Variants in NEO1 observed in about 807,000 individuals in gnomAD.
The protein encoded by NEO1 is neogenin.
A neutral mutation model predicts 159.7 loss-of-function variants in NEO1; 63 were observed. The observed-to-expected ratio is 0.39, with a 90% CI of 0.32 to 0.49. The LOEUF (loss-of-function observed/expected upper bound fraction) is 0.49, where lower values mean the gene tolerates loss of function less well. NEO1 is among the 20% of genes least tolerant of loss of function. NEO1 has a pLI of 0.85. For synonymous variants in NEO1, 633 were observed against 662.0 expected (o/e 0.96, Z 0.67); for missense variants, 1,615 against 1,831.0 (o/e 0.88, Z 2.15).
chr15:73,096,744 C>A (rs1164029810), intron 1 of NEO1, among the ~76,000 whole-genome samples: 13 of 152,098 alleles, frequency 8.5e-5, no homozygotes, highest in Non-Finnish European at 1.9e-4. Flanking sequence ...CATTAGGCAT[C>A]CACCTTAAAG....
At chr15:73,089,464 A>G (rs1451984201) in intron 1 of NEO1, among the ~76,000 whole-genome samples, 1 of 152,152 alleles carries the variant, frequency 6.6e-6, no homozygotes, top group Non-Finnish European at 1.5e-5. Flanking sequence ...CTGGGCATCT[A>G]CCTCACCATG....
chr15:73,300,594 G>T (rs2042575074), intron 27 of NEO1, among the ~76,000 whole-genome samples: 1 of 152,200 alleles, frequency 6.6e-6, no homozygotes, highest in Admixed American at 6.5e-5. Flanking sequence ...AGCCGGGTGT[G>T]GTAGCAGACA....
chr15:73,122,304 C>G (rs983641742), intron 2 of NEO1, among the ~76,000 whole-genome samples: 1 of 151,544 alleles, frequency 6.6e-6, no homozygotes, highest in African/African-American at 2.4e-5. Context: ...ATGTTTATAC[C>G]TTGCTTCTCT....
At chr15:73,179,633 A>G (rs1160702510) in intron 7 of NEO1, among the ~76,000 whole-genome samples, 1 of 152,218 alleles carries the variant, frequency 6.6e-6, no homozygotes, top group African/African-American at 2.4e-5. Flanking sequence ...GCCAGCTGGC[A>G]AAGGAAAAGT....
chr15:73,274,135 T>A, intron 20 of NEO1, 130 bp downstream of exon 20: 1 of 890,392 alleles, frequency 1.1e-6, no homozygotes. Context: ...AGCCATGATG[T>A]GAAGATTTAT....
intron 1 of NEO1, among the ~76,000 whole-genome samples, chr15:73,073,413 T>C (rs905762350): frequency 2.0e-5 from 3 of 151,968 alleles, no homozygotes; most frequent in Non-Finnish European, 2.9e-5. Flanking sequence ...TGACTGAATG[T>C]AGTGGTTGAG....
At chr15:73,072,677 A>G (rs2068591815) in intron 1 of NEO1, among the ~76,000 whole-genome samples, 1 of 152,152 alleles carries the variant, frequency 6.6e-6, no homozygotes, top group Non-Finnish European at 1.5e-5. Context: ...CCATCATAAT[A>G]CATGAAGAAA....
rs1015939944 is a variant in NEO1, at chr15:73,225,351, G to A, written c.1292-10996G>A. ...GTATAGAGAGGAACCAGAGGTGCGC[G>A]GGGTCCTAGAACTTCCAAGATTATA... On this transcript the variant is annotated intron_variant, in intron 7 of 28. Coordinates refer to ENST00000261908, the MANE Select transcript of NEO1 (RefSeq NM_002499.4). Among the ~76,000 whole-genome samples, 122 of 152,176 alleles carry A rather than the reference G, an allele frequency of 8.0e-4. 1 individual carries two copies. The highest frequency in any genetic ancestry group is 2.9e-3 in the African/African-American group (119 of 41,508).
At chr15:73,181,584 A>T (rs893914816) in intron 7 of NEO1, among the ~76,000 whole-genome samples, 1 of 152,014 alleles carries the variant, frequency 6.6e-6, no homozygotes, top group African/African-American at 2.4e-5. Flanking sequence ...GCAAGAGGGG[A>T]GCAGGCATCT....
At chr15:73,242,908 G>A (rs574920189) in intron 8 of NEO1, among the ~76,000 whole-genome samples, 4 of 152,168 alleles carry the variant, frequency 2.6e-5, no homozygotes, top group South Asian at 4.1e-4. Context: ...CCGCTTATAC[G>A]TGGACCTACA....
rs1260178135 is a variant in NEO1 at position 73,135,481 on chromosome 15, A to G, written c.879-410A>G. On this transcript the variant is annotated intron_variant, in intron 4 of 28. Coordinates refer to ENST00000261908, the MANE Select transcript of NEO1 (RefSeq NM_002499.4). ...GCCCTCTTTATGTTTTCTTTCTGTT[A>G]TTAATCTCAGTGTGGCATAGCTGTG... 3.9e-5 allele frequency among the ~76,000 whole-genome samples: 6 copies of G among 152,116 alleles called. No individual in the cohort carries two copies. In the East Asian group the frequency reaches 9.6e-4, roughly 24 times the overall value.
At chr15:73,302,479 C>A in intron 28 of NEO1, 134 bp from the exon 29 acceptor site, 1 of 707,416 alleles carries the variant, frequency 1.4e-6, no homozygotes, top group Admixed American at 2.4e-5. Context: ...TCTTCTGAGC[C>A]ACCCTGCGTG....
chr15:73,054,015 C>T (rs1386688253), intron 1 of NEO1, among the ~76,000 whole-genome samples: 1 of 152,156 alleles, frequency 6.6e-6, no homozygotes, highest in Non-Finnish European at 1.5e-5. Context: ...AAGTACCACT[C>T]GGTATTCTCT....
chr15:73,293,454 C>A lies in NEO1; in HGVS notation c.3807C>A (p.Ser1269Arg), dbSNP rs1159790884. 5.0e-6 allele frequency: 8 copies of A among 1,614,106 alleles called. No individual in the cohort carries two copies. The highest frequency in any genetic ancestry group is 5.9e-6 in the Non-Finnish European group (7 of 1,180,044). Residue 1269 changes from serine to arginine, a missense_variant, in exon 26 of 29, where the codon AGC (serine) becomes AGA (arginine). Ser to Arg is a moderately radical substitution (Grantham distance 110, BLOSUM62 -1). Around this residue, in one of 3 missense-constraint regions of NEO1, gnomAD observed 471 missense variants for 498.9 expected, o/e 0.94. Transcript: ENST00000261908. ...CTCACCATCATTTCCACTCCAGCAG[C>A]CTCGCTTCTCCAGCTCGCAGTCATC... ...DNPHHHFHSS[S>R]LASPARSHLY...
intron 24 of NEO1, 102 bp from the exon 25 acceptor site, chr15:73,289,044 T>G: frequency 1.2e-6 from 1 of 815,202 alleles, no homozygotes; most frequent in Non-Finnish European, 2.1e-6. Context: ...CCCATTATGC[T>G]GTTTGTGAAT....
At chr15:73,249,303 G>A (rs779756354) in intron 10 of NEO1, 95 bp downstream of exon 10, 15 of 1,331,732 alleles carry the variant, frequency 1.1e-5, no homozygotes, top group Non-Finnish European at 1.4e-5. Context: ...GAAATGTGAG[G>A]GGGAAAAAGA....
In NEO1 at chr15:73,054,843, G is replaced by A. The variant is rs141225725; in HGVS notation, c.130+2038G>A. On this transcript the variant is annotated intron_variant, in intron 1 of 28. Transcript: ENST00000261908. Reference sequence around the variant, plus strand: ...TGGAGAACTGAGTAAGCAGCAACTGGAACAAGCTGTCCGCAAATCAGATGT... The same window carrying A: ...TGGAGAACTGAGTAAGCAGCAACTGAAACAAGCTGTCCGCAAATCAGATGT... Among the ~76,000 whole-genome samples, 6 of 152,324 alleles carry A rather than the reference G, an allele frequency of 3.9e-5. No individual in the cohort carries two copies. The East Asian group carries it at 1.2e-3, about 29-fold the overall frequency.
At chr15:73,155,510 T>C (rs2033711316) in intron 5 of NEO1, among the ~76,000 whole-genome samples, 1 of 152,220 alleles carries the variant, frequency 6.6e-6, no homozygotes, top group Non-Finnish European at 1.5e-5. Flanking sequence ...TCTAACTCTC[T>C]TGCTAGACTT....
At chr15:73,127,092 G>A (rs1445944713) in intron 4 of NEO1, among the ~76,000 whole-genome samples, 1 of 152,020 alleles carries the variant, frequency 6.6e-6, no homozygotes, top group Non-Finnish European at 1.5e-5. Flanking sequence ...TTAGCTGGGC[G>A]TTGTGGCATG....
Sources: gnomAD v4.1 joint callset for allele counts (sites outside exome capture counted in the v4.1 genomes callset) on GRCh38, gnomAD v4.1.1 for gene constraint, gnomAD v4.1.1 regional missense constraint, MANE v1.5 for transcripts, NCBI Gene and HGNC (gene_info 2026-07-23, HGNC 2026-07-21) for gene names.